The following KHDRBS2 variants were observed in gnomAD, a reference collection of about 807,000 sequenced individuals.
KHDRBS2 encodes KH domain-containing, RNA-binding, signal transduction-associated protein 2.
KHDRBS2 carries 26 observed loss-of-function variants against 44.3 expected under a neutral mutation model. The ratio of observed to expected loss-of-function variants is 0.59; its 90% confidence interval spans 0.43 to 0.81. The LOEUF (loss-of-function observed/expected upper bound fraction) is 0.81, where lower values mean the gene tolerates loss of function less well. Among genes scored for constraint, KHDRBS2 ranks in the 40% least tolerant of loss-of-function variants. The probability of loss-of-function intolerance (pLI) is 0.00; values close to 1 mark genes in which losing one functional copy is unlikely to be tolerated. For synonymous variants in KHDRBS2, 194 were observed against 151.1 expected (o/e 1.28, Z -2.08); for missense variants, 476 against 433.1 (o/e 1.10, Z -0.88).
intron 7 of KHDRBS2, among the ~76,000 whole-genome samples, chr6:61,712,282 G>A (rs923450897): frequency 6.6e-6 from 1 of 151,890 alleles, no homozygotes; most frequent in African/African-American, 2.4e-5. Flanking sequence ...TGAAAGTAGG[G>A]AGGGGTGAAG....
intron 2 of KHDRBS2, among the ~76,000 whole-genome samples, chr6:62,107,433 G>T (rs1803708120): frequency 6.6e-6 from 1 of 152,128 alleles, no homozygotes; most frequent in Admixed American, 6.6e-5. Flanking sequence ...ACTGCTCAGT[G>T]AAATAAAAGA....
chr6:61,668,861 T>G, the KHDRBS2 span, among the ~76,000 whole-genome samples: 1 of 150,970 alleles, frequency 6.6e-6, no homozygotes, highest in Admixed American at 6.6e-5. Flanking sequence ...AAGAGATAAA[T>G]GGAAAACTCC....
intron 2 of KHDRBS2, among the ~76,000 whole-genome samples, chr6:62,105,677 T>C (rs2127377941): frequency 6.6e-6 from 1 of 152,324 alleles, no homozygotes; most frequent in Non-Finnish European, 1.5e-5. Context: ...TTTTCTTTTT[T>C]ATTAGTCTTG....
intron 8 of KHDRBS2, among the ~76,000 whole-genome samples, chr6:61,681,440 C>G (rs1190184358): frequency 6.6e-6 from 1 of 151,844 alleles, no homozygotes; most frequent in African/African-American, 2.4e-5. Flanking sequence ...AGATAACTAA[C>G]ACCTGCTCTC....
At chr6:62,087,540 A>T (rs1798628260) in intron 2 of KHDRBS2, among the ~76,000 whole-genome samples, 1 of 152,176 alleles carries the variant, frequency 6.6e-6, no homozygotes, top group South Asian at 2.1e-4. Flanking sequence ...GAAATACTGA[A>T]GGTGAGTAAA....
chr6:61,613,237 T>A, the KHDRBS2 span, among the ~76,000 whole-genome samples: 1 of 152,196 alleles, frequency 6.6e-6, no homozygotes, highest in Admixed American at 6.5e-5. Context: ...CCAAGAACCT[T>A]GTGTGGCATA....
chr6:61,604,120 A>G, the KHDRBS2 span, among the ~76,000 whole-genome samples: 1 of 152,202 alleles, frequency 6.6e-6, no homozygotes, highest in Non-Finnish European at 1.5e-5. Flanking sequence ...ATATGACTCT[A>G]AATAAATATG....
At chr6:62,138,185 A>T (rs891536461) in intron 2 of KHDRBS2, among the ~76,000 whole-genome samples, 2 of 152,200 alleles carry the variant, frequency 1.3e-5, no homozygotes, top group Non-Finnish European at 2.9e-5. Context: ...CCTTGATTCC[A>T]AATACGGTAT....
At chr6:61,757,422 T>C (rs1325694144) in intron 6 of KHDRBS2, among the ~76,000 whole-genome samples, 1 of 152,214 alleles carries the variant, frequency 6.6e-6, no homozygotes, top group East Asian at 1.9e-4. Context: ...GTTAGAATAG[T>C]AGGTATACTT....
chr6:62,182,097 ATCTTGGAATTT>A (rs1822433932), intron 1 of KHDRBS2, among the ~76,000 whole-genome samples: 1 of 152,036 alleles, frequency 6.6e-6, no homozygotes, highest in Non-Finnish European at 1.5e-5. Context: ...AACCTACTGG[ATCTTGGAATTT>A]TCCAAGATTT....
intron 7 of KHDRBS2, among the ~76,000 whole-genome samples, chr6:61,714,368 G>T (rs1410910619): frequency 6.6e-6 from 1 of 151,746 alleles, no homozygotes; most frequent in Non-Finnish European, 1.5e-5. Context: ...CCAAATGGCT[G>T]TTATTAAAAA....
At chr6:61,837,737 C>G (rs890866266) in intron 6 of KHDRBS2, among the ~76,000 whole-genome samples, 1 of 151,952 alleles carries the variant, frequency 6.6e-6, no homozygotes, top group Non-Finnish European at 1.5e-5. Context: ...GCCTTATGTA[C>G]AGCAATATTC....
At chr6:61,726,822 A>G (rs1003222485) in intron 7 of KHDRBS2, among the ~76,000 whole-genome samples, 4 of 152,202 alleles carry the variant, frequency 2.6e-5, no homozygotes, top group African/African-American at 7.2e-5. Flanking sequence ...GGAAGAATCA[A>G]TATCATGAAA....
chr6:61,835,354 A>T (rs1792478705), intron 6 of KHDRBS2, among the ~76,000 whole-genome samples: 1 of 152,068 alleles, frequency 6.6e-6, no homozygotes, highest in South Asian at 2.1e-4. Context: ...AGAGTATATG[A>T]GTAAGTGTCA....
At chr6:61,899,139 T>C (rs1803467525) in intron 5 of KHDRBS2, among the ~76,000 whole-genome samples, 1 of 151,932 alleles carries the variant, frequency 6.6e-6, no homozygotes, top group African/African-American at 2.4e-5. Context: ...AGCAAAGACC[T>C]TAAACATTCT....
At chr6:62,129,817 C>T (rs1809856093) in intron 2 of KHDRBS2, among the ~76,000 whole-genome samples, 3 of 151,918 alleles carry the variant, frequency 2.0e-5, no homozygotes, top group African/African-American at 7.3e-5. Context: ...TTTTCATGAG[C>T]ACAGTTTTAT....
intron 6 of KHDRBS2, among the ~76,000 whole-genome samples, chr6:61,833,564 C>T (rs529047649): frequency 9.2e-5 from 14 of 152,086 alleles, no homozygotes; most frequent in Admixed American, 2.6e-4. Flanking sequence ...GACATTTGGT[C>T]GTGAGCTATA....
chr6:61,614,333 C>T, the KHDRBS2 span, among the ~76,000 whole-genome samples: 1 of 152,126 alleles, frequency 6.6e-6, no homozygotes, highest in African/African-American at 2.4e-5. Flanking sequence ...GCTATCAGTT[C>T]ACCTGCCATG....
chr6:61,790,409 A>G (rs1307447891), intron 6 of KHDRBS2, among the ~76,000 whole-genome samples: 22 of 91,902 alleles, frequency 2.4e-4, no homozygotes, highest in African/African-American at 3.7e-4. Context: ...TTGGGACTTA[A>G]AAAAAAAAAA....
Sources: allele counts gnomAD v4.1 joint callset (sites outside exome capture counted in the v4.1 genomes callset), GRCh38; gene constraint gnomAD v4.1.1; transcripts MANE v1.5; gene names NCBI Gene and HGNC (gene_info 2026-07-23, HGNC 2026-07-21).